ANK3: variants seen among roughly 807,000 people sequenced by gnomAD.
ANK3 encodes the protein ankyrin-3.
ANK3 carries 57 observed loss-of-function variants against 370.9 expected under a neutral mutation model. The observed-to-expected ratio is 0.15, with a 90% confidence interval of 0.12 to 0.19. The LOEUF is 0.19. Ranked by LOEUF, ANK3 falls within the 10% of genes least tolerant of loss-of-function variation. ANK3 has a pLI of 1.00. For missense variants in ANK3, 4,439 were observed against 5,302.1 expected (o/e 0.84, Z 5.06); for synonymous variants, 1,929 against 1,946.3 (o/e 0.99, Z 0.23).
chr10:60,565,321 G>A (rs1279772180), intron 2 of ANK3, among the ~76,000 whole-genome samples: 1 of 152,122 alleles, frequency 6.6e-6, no homozygotes, highest in Non-Finnish European at 1.5e-5. Context: ...TCACAATAGG[G>A]TTCACACTCC....
chr10:60,258,300 C>T (rs903555330), intron 7 of ANK3, among the ~76,000 whole-genome samples: 6 of 152,210 alleles, frequency 3.9e-5, no homozygotes, highest in East Asian at 1.9e-4. Flanking sequence ...TAACTCCCTG[C>T]AGCAGACCCA....
chr10:60,689,861 GA>G (rs1194057457), intron 1 of ANK3, among the ~76,000 whole-genome samples: 30 of 151,900 alleles, frequency 2.0e-4, no homozygotes, highest in African/African-American at 7.0e-4. Flanking sequence ...AGGGAATAAA[GA>G]GTACAAAATT....
intron 23 of ANK3, among the ~76,000 whole-genome samples, chr10:60,159,708 T>C (rs2095445198): frequency 6.6e-6 from 1 of 152,086 alleles, no homozygotes; most frequent in African/African-American, 2.4e-5. Flanking sequence ...ATTGCAATCA[T>C]GTCAAGTCTC....
At chr10:60,435,687 T>G (rs551761262) in intron 2 of ANK3, among the ~76,000 whole-genome samples, 2 of 152,268 alleles carry the variant, frequency 1.3e-5, no homozygotes, top group Non-Finnish European at 2.9e-5. Context: ...CTTTCAGTCC[T>G]GGTCAACCAC....
chr10:60,196,071 G>T, intron 16 of ANK3, 74 bp downstream of exon 16: 2 of 1,339,752 alleles, frequency 1.5e-6, no homozygotes, highest in Non-Finnish European at 2.1e-6. Flanking sequence ...TCCTGCTGAA[G>T]CAGAAGTAGA....
chr10:60,122,761 T>C (rs1043598049), intron 25 of ANK3, among the ~76,000 whole-genome samples: 1 of 152,244 alleles, frequency 6.6e-6, no homozygotes, highest in Non-Finnish European at 1.5e-5. Flanking sequence ...TTCACTTATA[T>C]TAGCTCATTT....
At position 60,239,630 on chromosome 10, in the gene ANK3, T is replaced by C. The variant is rs112962357; in HGVS notation, c.799-4844A>G. ...TACATAAAATGTTCAGTTCTTCAGA[T>C]AGTAGGAATATGACAGTAAACAGAA... is the stretch of plus-strand genomic sequence containing the variant. On this transcript the variant is annotated intron_variant, in intron 7 of 43. Transcript: ENST00000280772. Among the ~76,000 whole-genome samples the C allele has an allele frequency of 8.0e-3, 1,209 of 152,008 alleles. 15 individuals are homozygous for C. Among genetic ancestry groups the C allele is most frequent in the African/African-American group, 0.028 (1,164 of 41,476 alleles).
chr10:60,146,004 A>G, intron 23 of ANK3: 3 of 1,185,748 alleles, frequency 2.5e-6, no homozygotes, highest in Non-Finnish European at 2.4e-6. Context: ...GGAATTTTGT[A>G]CCATGTGCAT....
intron 1 of ANK3, among the ~76,000 whole-genome samples, chr10:60,685,362 G>A (rs1412297105): frequency 6.6e-6 from 1 of 151,766 alleles, no homozygotes. Context: ...GTAGAAATTT[G>A]ACCTGAAGTT....
At chr10:60,426,156 C>T (rs925902534) in intron 2 of ANK3, among the ~76,000 whole-genome samples, 3 of 152,012 alleles carry the variant, frequency 2.0e-5, no homozygotes, top group African/African-American at 7.2e-5. Context: ...CTTTCCAGCC[C>T]ACCACATTGT....
chr10:60,231,286 A>C (rs1297761104), intron 8 of ANK3, among the ~76,000 whole-genome samples: 1 of 152,226 alleles, frequency 6.6e-6, no homozygotes, highest in Non-Finnish European at 1.5e-5. Context: ...AGCTCTAAGA[A>C]TCTTCTTTTA....
At chr10:60,196,106 T>C in intron 16 of ANK3, 39 bp downstream of exon 16, 1 of 1,534,724 alleles carries the variant, frequency 6.5e-7, no homozygotes, top group Non-Finnish European at 9.0e-7. Flanking sequence ...CTGATAGACC[T>C]TACCCATCAG....
intron 21 of ANK3, among the ~76,000 whole-genome samples, chr10:60,169,079 TC>T (rs2095703924): frequency 6.6e-6 from 1 of 152,186 alleles, no homozygotes; most frequent in Admixed American, 6.5e-5. Flanking sequence ...GACTGCTGGG[TC>T]AACTGATATT....
At chr10:60,430,209 C>A (rs890320330) in intron 2 of ANK3, among the ~76,000 whole-genome samples, 7 of 152,220 alleles carry the variant, frequency 4.6e-5, no homozygotes, top group African/African-American at 1.7e-4. Flanking sequence ...GGCAGAAAGT[C>A]TGCCTGAAGG....
intron 1 of ANK3, among the ~76,000 whole-genome samples, chr10:60,374,026 C>A (rs1355870260): frequency 2.0e-5 from 3 of 152,076 alleles, no homozygotes; most frequent in African/African-American, 7.2e-5. Flanking sequence ...AGGACAGTGT[C>A]AAGGGAGCTA....
chr10:60,580,220 A>G (rs1436028503), intron 2 of ANK3, among the ~76,000 whole-genome samples: 1 of 152,214 alleles, frequency 6.6e-6, no homozygotes, highest in Admixed American at 6.5e-5. Flanking sequence ...CAAGATAATC[A>G]ATGAGGATGG....
rs184097597 is a variant in ANK3 at position 60,329,252 on chromosome 10, T to G, written c.115-49613A>C. Among the ~76,000 whole-genome samples the G allele has an allele frequency of 1.9e-3, 295 of 152,222 alleles. 2 individuals are homozygous for G. Among genetic ancestry groups the G allele is most frequent in the Middle Eastern group, 0.017 (5 of 294 alleles). ...ACAAGGATGCCCTCTCTCACCATTT[T>G]TATTCAACATAGTATTGGAAGGTCT... On this transcript the variant is annotated intron_variant, in intron 1 of 43. Coordinates refer to ENST00000280772, the MANE Select transcript of ANK3 (RefSeq NM_020987.5).
intron 23 of ANK3, among the ~76,000 whole-genome samples, chr10:60,144,886 C>G (rs1300475588): frequency 6.6e-6 from 1 of 152,062 alleles, no homozygotes; most frequent in Non-Finnish European, 1.5e-5. Flanking sequence ...TTTTTCATGT[C>G]GAATAAAGGA....
At chr10:60,415,872 C>T (rs10994335) in intron 2 of ANK3, among the ~76,000 whole-genome samples, 57,173 of 143,778 alleles carry the variant, frequency 0.4, 11,619 homozygotes, top group Middle Eastern at 0.51. Flanking sequence ...TTGGTAAAAG[C>T]AGTAATAGTT....
Sources: allele counts gnomAD v4.1 joint callset (sites outside exome capture counted in the v4.1 genomes callset), GRCh38; gene constraint gnomAD v4.1.1; transcripts MANE v1.5; gene names NCBI Gene and HGNC (gene_info 2026-07-23, HGNC 2026-07-21).